Variants in DNAH12 observed in about 807,000 individuals in gnomAD.
The protein encoded by DNAH12 is dynein axonemal heavy chain 12.
Under a neutral mutation model 371.5 loss-of-function variants are expected in DNAH12, and 285 were observed. That is an observed-to-expected ratio of 0.77 (90% confidence interval 0.70 to 0.85). DNAH12 has a LOEUF of 0.85. Ranked by LOEUF, DNAH12 falls within the 40% of genes least tolerant of loss-of-function variation. DNAH12 has a pLI of 0.00. For missense variants in DNAH12, 3,611 were observed against 3,689.4 expected, an observed-to-expected ratio of 0.98 and a Z score of 0.55; for synonymous variants, 1,200 against 1,213.0, an observed-to-expected ratio of 0.99 and a Z score of 0.22.
chr3:57,309,065 G>GC (rs2061532596), intron 69 of DNAH12, 86 bp downstream of exon 69: 1 of 1,113,804 alleles, frequency 9.0e-7, no homozygotes, highest in Admixed American at 3.1e-5. Context: ...AATTTTCGCC[G>GC]CCCCAACACT....
chr3:57,508,473 A>C lies in DNAH12; in HGVS notation c.610T>G (p.Leu204Val). The change falls in exon 7 of 74, where the codon TTG becomes GTG. Residue 204 changes from leucine to valine, a missense_variant. By Grantham distance (32) the Leu-to-Val change is conservative (BLOSUM62 1). Transcript: ENST00000495027. ...TTCATAGTTGGATGAATAATGTGCA[A>C]ATTAGAGAATATTTGATTTCTTGCC... ...VQARNQIFSN[L>V]HIIHPTMKML... 2 of 1,613,518 alleles carry C rather than the reference A, an allele frequency of 1.2e-6. No individual in the cohort carries two copies. Among genetic ancestry groups the C allele is most frequent in the Non-Finnish European group, 1.7e-6 (2 of 1,179,860 alleles).
chr3:57,486,220 C>T (rs1384495758), intron 12 of DNAH12, among the ~76,000 whole-genome samples: 1 of 151,248 alleles, frequency 6.6e-6, no homozygotes, highest in Admixed American at 6.6e-5. Context: ...AACAAAACCA[C>T]TTATACCCCC....
chr3:57,529,025 C>G (rs2068747298), intron 2 of DNAH12, among the ~76,000 whole-genome samples: 1 of 152,184 alleles, frequency 6.6e-6, no homozygotes, highest in South Asian at 2.1e-4. Context: ...GTCTCAAACT[C>G]CTGACCACAG....
intron 14 of DNAH12, among the ~76,000 whole-genome samples, chr3:57,471,855 G>C (rs1045631923): frequency 6.6e-6 from 1 of 151,916 alleles, no homozygotes; most frequent in Non-Finnish European, 1.5e-5. Flanking sequence ...ACAGATTCTA[G>C]GATAATAATA....
chr3:57,297,235 CA>C, intron 70 of DNAH12: 1 of 475,102 alleles, frequency 2.1e-6, no homozygotes, highest in African/African-American at 1.9e-5. Flanking sequence ...AAATCTTCTG[CA>C]AAAGCCAAAT....
chr3:57,353,209 C>T lies in DNAH12; in HGVS notation c.9534-984G>A, dbSNP rs1302876280. Among the ~76,000 whole-genome samples the T allele has an allele frequency of 7.2e-5, 11 of 152,144 alleles. No homozygotes were observed. The East Asian group carries it at 2.1e-3, about 29-fold the overall frequency. ...AAATGTTTACAATAAGCATATATGG[C>T]TTTCAATTTTTTTCAGTTTAATTTT... On this transcript the variant is annotated intron_variant, in intron 59 of 73. Transcript: ENST00000495027.
At chr3:57,453,462 T>C in intron 23 of DNAH12, 59 bp from the exon 24 acceptor site, 1 of 1,342,644 alleles carries the variant, frequency 7.4e-7, no homozygotes, top group South Asian at 1.7e-5. Context: ...AAACATGTAT[T>C]TTATATATTT....
chr3:57,413,128 C>A (rs2153356436), intron 39 of DNAH12, among the ~76,000 whole-genome samples: 1 of 152,178 alleles, frequency 6.6e-6, no homozygotes, highest in Admixed American at 6.5e-5. Flanking sequence ...AGCTATCAAG[C>A]CATGAGAAGA....
chr3:57,499,673 T>TATATATAC (rs771112538), intron 11 of DNAH12, among the ~76,000 whole-genome samples: 3 of 44,454 alleles, frequency 6.7e-5, no homozygotes, highest in African/African-American at 2.7e-4. Flanking sequence ...TATATATATA[T>TATATATAC]ATACTTCTTA....
chr3:57,342,223 A>G (rs551760935), intron 60 of DNAH12, among the ~76,000 whole-genome samples: 1 of 152,294 alleles, frequency 6.6e-6, no homozygotes, highest in South Asian at 2.1e-4. Context: ...TTTATGAATA[A>G]GAACTCAAAA....
At chr3:57,503,369 A>ATATT (rs779942311) in intron 9 of DNAH12, among the ~76,000 whole-genome samples, 15 of 151,866 alleles carry the variant, frequency 9.9e-5, no homozygotes, top group East Asian at 3.9e-4. Flanking sequence ...TATTTGTCAA[A>ATATT]TATTTATTTA....
Position 57,295,589 on chromosome 3 carries a change from T to G in DNAH12, c.11628A>C (p.Gly3876=). Residue 3876 remains glycine, a synonymous_variant, in exon 73 of 74, where the codon GGA becomes GGC. Transcript: ENST00000495027. ...LDGARWDRES[G]LLAEQYPKLL... Reference sequence around the variant, plus strand: ...GTTTGGGATATTGTTCAGCAAGCAATCCACTGTAACGAGAAATTGACAGAA... The same window carrying G: ...GTTTGGGATATTGTTCAGCAAGCAAGCCACTGTAACGAGAAATTGACAGAA... 1 of 1,541,756 alleles carries G rather than the reference T, an allele frequency of 6.5e-7. No homozygotes were observed. Among genetic ancestry groups the G allele is most frequent in the Non-Finnish European group, 8.8e-7 (1 of 1,141,266 alleles).
chr3:57,428,521 A>C, intron 34 of DNAH12, 112 bp downstream of exon 34: 1 of 1,523,398 alleles, frequency 6.6e-7, no homozygotes, highest in Non-Finnish European at 8.8e-7. Flanking sequence ...TAGTAAATGC[A>C]TAAGGACAAA....
Position 57,405,755 on chromosome 3 carries a change from A to T in DNAH12, c.6474T>A (p.Asp2158Glu). 6.4e-7 allele frequency: 1 copy of T among 1,551,708 alleles called. No individual in the cohort carries two copies. Among genetic ancestry groups the T allele is most frequent in the Admixed American group, 2.0e-5 (1 of 50,998 alleles). Residue 2158 changes from aspartate to glutamate, a missense_variant, in exon 41 of 74, where the codon GAT becomes GAA. This residue lies in a region of DNAH12 where 2,266 missense variants were observed against 2,236.9 expected (regional missense o/e 1.01). Transcript: ENST00000495027. ...RVFYDRLIND[D>E]DRRWLFQLTK... Reference sequence around the variant, plus strand: ...TTAACTGGAACAGCCATCTTCGATCATCATCATTAATGAGGCGATCATAAA... The same window carrying T: ...TTAACTGGAACAGCCATCTTCGATCTTCATCATTAATGAGGCGATCATAAA...
At chr3:57,338,757 G>A (rs964237987) in intron 60 of DNAH12, among the ~76,000 whole-genome samples, 11 of 151,912 alleles carry the variant, frequency 7.2e-5, no homozygotes, top group African/African-American at 2.4e-4. Flanking sequence ...TGTCTGGGAT[G>A]TGAGGAGCGC....
rs2066100416 is a variant in DNAH12 at position 57,462,965 on chromosome 3, T to A, written c.2350-90A>T. ...GATGAAGCCTTGATGATATAAGGGT[T>A]ACATTTCTTCAATTTATTTAATATA... On this transcript the variant is annotated intron_variant, in intron 17 of 73. Coordinates refer to ENST00000495027, the MANE Select transcript of DNAH12 (RefSeq NM_001366028.2). 3.7e-6 allele frequency: 3 copies of A among 805,136 alleles called. No individual in the cohort carries two copies. In the South Asian group the frequency reaches 6.3e-5, roughly 17 times the overall value. 49.9% of individuals were successfully genotyped at this position (805,136 alleles called of 1,614,324 possible).
intron 2 of DNAH12, among the ~76,000 whole-genome samples, chr3:57,540,893 A>G (rs902500269): frequency 2.0e-5 from 3 of 151,826 alleles, no homozygotes; most frequent in Non-Finnish European, 2.9e-5. Context: ...TCGTGCCACT[A>G]TACTCCAGCC....
chr3:57,499,673 T>TATATATATATATACACACACAC (rs771112538), intron 11 of DNAH12, among the ~76,000 whole-genome samples: 3 of 44,456 alleles, frequency 6.7e-5, no homozygotes, highest in African/African-American at 2.7e-4. Flanking sequence ...TATATATATA[T>TATATATATATATACACACACAC]ATACTTCTTA....
chr3:57,421,657 G>A lies in DNAH12; in HGVS notation c.5423C>T (p.Thr1808Ile), dbSNP rs1477870708. The A allele has an allele frequency of 1.9e-6, 3 of 1,551,606 alleles. No individual in the cohort carries two copies. Among genetic ancestry groups the A allele is most frequent in the Non-Finnish European group, 2.6e-6 (3 of 1,146,976 alleles). The change falls in exon 36 of 74, where the codon ACA becomes ATA. Residue 1808 changes from threonine (T) to isoleucine (I), a missense_variant. Thr to Ile is a moderately conservative substitution (Grantham distance 89, BLOSUM62 -1). Coordinates refer to ENST00000495027, the MANE Select transcript of DNAH12 (RefSeq NM_001366028.2). ...AGTATCAAAAACACGACGGCCATCT[G>A]TATCACAACTTCCTCCAATCGACCA... ...LIWSIGGSCD[T>I]DGRRVFDTFI...
Sources: gnomAD v4.1 joint callset for allele counts (sites outside exome capture counted in the v4.1 genomes callset) on GRCh38, gnomAD v4.1.1 for gene constraint, gnomAD v4.1.1 regional missense constraint, MANE v1.5 for transcripts, NCBI Gene and HGNC (gene_info 2026-07-23, HGNC 2026-07-21) for gene names.